The following ATG7 variants were observed in gnomAD, a reference collection of about 807,000 sequenced individuals.
ATG7 encodes autophagy related 7, also known as ubiquitin-like modifier-activating enzyme ATG7.
A neutral mutation model predicts 82.4 loss-of-function variants in ATG7; 70 were observed. That is an observed-to-expected ratio of 0.85 (90% CI 0.70 to 1.04). The LOEUF is 1.04. Ranked by LOEUF, ATG7 falls within the 50% of genes least tolerant of loss-of-function variation. The probability of loss-of-function intolerance (pLI) is 0.00; values close to 1 mark genes in which losing one functional copy is unlikely to be tolerated. For missense variants in ATG7, 792 were observed against 864.3 expected, an observed-to-expected ratio of 0.92 and a Z score of 1.05; for synonymous variants, 287 against 313.0, an observed-to-expected ratio of 0.92 and a Z score of 0.88.
At chr3:11,427,814 C>CAAAA (rs11288609) in intron 20 of ATG7, among the ~76,000 whole-genome samples, 3 of 135,234 alleles carry the variant, frequency 2.2e-5, no homozygotes, top group Admixed American at 7.4e-5. Flanking sequence ...GACTCCGTCT[C>CAAAA]AAAAAAAAAA....
chr3:11,538,498 T>A (rs2070516791), intron 20 of ATG7, among the ~76,000 whole-genome samples: 1 of 151,232 alleles, frequency 6.6e-6, no homozygotes, highest in Admixed American at 6.6e-5. Context: ...AGTGTAAAAA[T>A]GCCATGGTAT....
At chr3:11,339,314 GAAAA>G (rs1559425993) in intron 11 of ATG7, among the ~76,000 whole-genome samples, 1 of 30,396 alleles carries the variant, frequency 3.3e-5, no homozygotes, top group Non-Finnish European at 1.2e-4. Flanking sequence ...AAAAAAAAAA[GAAAA>G]GAAAAGAAAA....
At chr3:11,478,322 A>G (rs529632684) in intron 20 of ATG7, among the ~76,000 whole-genome samples, 11 of 152,354 alleles carry the variant, frequency 7.2e-5, no homozygotes, top group African/African-American at 2.4e-4. Flanking sequence ...CCAAGGTATG[A>G]AAGTATTCAT....
intron 9 of ATG7, among the ~76,000 whole-genome samples, chr3:11,324,164 A>G (rs1950560721): frequency 6.6e-6 from 1 of 152,240 alleles, no homozygotes; most frequent in South Asian, 2.1e-4. Context: ...TTTGTATTAC[A>G]AAAGGAAGTG....
intron 19 of ATG7, among the ~76,000 whole-genome samples, chr3:11,395,965 A>AAAGGG (rs1435086133): frequency 1.3e-5 from 1 of 78,100 alleles, no homozygotes; most frequent in African/African-American, 5.8e-5. Context: ...AAAAAAAAAA[A>AAAGGG]GGTAGGGGGG....
intron 3 of ATG7, among the ~76,000 whole-genome samples, chr3:11,298,327 C>T (rs888388624): frequency 1.3e-5 from 2 of 152,100 alleles, no homozygotes; most frequent in African/African-American, 4.8e-5. Context: ...AGTAGTCAAA[C>T]CTGTATAGAC....
At chr3:11,540,900 C>CTT (rs1393524922) in intron 20 of ATG7, among the ~76,000 whole-genome samples, 6 of 85,004 alleles carry the variant, frequency 7.1e-5, no homozygotes, top group African/African-American at 2.5e-4. Context: ...ATAGTTTTAG[C>CTT]TTTTTTTGGG....
At chr3:11,460,720 A>G (rs773631561) in intron 20 of ATG7, among the ~76,000 whole-genome samples, 16 of 152,246 alleles carry the variant, frequency 1.1e-4, no homozygotes, top group Non-Finnish European at 2.1e-4. Context: ...CCAGTCAAGG[A>G]CATATAAATT....
At chr3:11,424,842 C>T (rs994092074) in intron 19 of ATG7, among the ~76,000 whole-genome samples, 7 of 152,116 alleles carry the variant, frequency 4.6e-5, no homozygotes, top group Non-Finnish European at 1.5e-5. Context: ...CTCCTCCTTC[C>T]ACTCTTTTTG....
intron 5 of ATG7, among the ~76,000 whole-genome samples, chr3:11,303,792 C>T (rs531389881): frequency 5.9e-4 from 89 of 150,714 alleles, no homozygotes; most frequent in African/African-American, 2.1e-3. Flanking sequence ...ATTTTCTTTT[C>T]GGCCGGGCGC....
chr3:11,390,884 G>A (rs1347832103), intron 19 of ATG7, among the ~76,000 whole-genome samples: 1 of 152,178 alleles, frequency 6.6e-6, no homozygotes, highest in Non-Finnish European at 1.5e-5. Context: ...TATGACTAGT[G>A]CAGCAGCAGT....
chr3:11,337,378 G>A (rs1402783655), intron 11 of ATG7, among the ~76,000 whole-genome samples: 1 of 152,060 alleles, frequency 6.6e-6, no homozygotes, highest in African/African-American at 2.4e-5. Context: ...GCTTGAACCT[G>A]GGAGGCGGAG....
intron 3 of ATG7, among the ~76,000 whole-genome samples, chr3:11,289,970 C>G (rs1236237117): frequency 6.6e-6 from 1 of 152,148 alleles, no homozygotes; most frequent in African/African-American, 2.4e-5. Context: ...CCAGTCTATG[C>G]TTCTATAAAT....
chr3:11,541,061 G>C (rs1355609212), intron 20 of ATG7, among the ~76,000 whole-genome samples: 1 of 151,942 alleles, frequency 6.6e-6, no homozygotes, highest in Non-Finnish European at 1.5e-5. Context: ...CACCACACCT[G>C]GCTAATTTTT....
chr3:11,454,218 G>A (rs1461137130), intron 20 of ATG7, among the ~76,000 whole-genome samples: 1 of 152,112 alleles, frequency 6.6e-6, no homozygotes, highest in African/African-American at 2.4e-5. Flanking sequence ...GAGAAGCCCA[G>A]GGTCTCACTC....
At chr3:11,329,061 C>T (rs1951281066) in intron 9 of ATG7, among the ~76,000 whole-genome samples, 1 of 152,210 alleles carries the variant, frequency 6.6e-6, no homozygotes, top group Non-Finnish European at 1.5e-5. Context: ...TGCCGCTGCA[C>T]TCCAGCCTGG....
At chr3:11,295,886 C>T (rs1261606246) in intron 3 of ATG7, among the ~76,000 whole-genome samples, 2 of 151,314 alleles carry the variant, frequency 1.3e-5, no homozygotes, top group African/African-American at 4.9e-5. Context: ...TCCTGCAGTT[C>T]TCCTGCCTCA....
At chr3:11,414,156 C>G (rs1186286711) in intron 19 of ATG7, among the ~76,000 whole-genome samples, 1 of 152,154 alleles carries the variant, frequency 6.6e-6, no homozygotes, top group Non-Finnish European at 1.5e-5. Flanking sequence ...TCCACCTCCT[C>G]CCAGGTTCAA....
chr3:11,526,789 G>C (rs2092588099), intron 20 of ATG7, among the ~76,000 whole-genome samples: 1 of 152,084 alleles, frequency 6.6e-6, no homozygotes, highest in African/African-American at 2.4e-5. Flanking sequence ...GCTTATGGAA[G>C]ATTCCTGAAA....
Sources: allele counts gnomAD v4.1 joint callset (sites outside exome capture counted in the v4.1 genomes callset), GRCh38; gene constraint gnomAD v4.1.1; transcripts MANE v1.5; gene names NCBI Gene and HGNC (gene_info 2026-07-23, HGNC 2026-07-21).